RBBP8: variants seen among roughly 807,000 people sequenced by gnomAD.
RBBP8 encodes RB binding protein 8, endonuclease, also known as DNA endonuclease RBBP8.
RBBP8 carries 88 observed loss-of-function variants against 108.3 expected under a neutral mutation model. That is an observed-to-expected ratio of 0.81 (90% CI 0.68 to 0.97). The LOEUF (loss-of-function observed/expected upper bound fraction) is 0.97, where lower values mean the gene tolerates loss of function less well. Among genes scored for constraint, RBBP8 ranks in the 50% least tolerant of loss-of-function variants. RBBP8 has a pLI of 0.00. For synonymous variants in RBBP8, 332 were observed against 348.2 expected (o/e 0.95, Z 0.52); for missense variants, 1,023 against 1,049.0 (o/e 0.98, Z 0.34).
chr18:22,967,505 A>G (rs527365866), intron 4 of RBBP8, among the ~76,000 whole-genome samples: 1 of 152,344 alleles, frequency 6.6e-6, no homozygotes, highest in African/African-American at 2.4e-5. Flanking sequence ...TGGAAAATGA[A>G]GAAGAGAAAA....
intron 16 of RBBP8, among the ~76,000 whole-genome samples, chr18:23,014,369 A>G (rs542145091): frequency 3.6e-4 from 55 of 152,322 alleles, no homozygotes; most frequent in African/African-American, 1.3e-3. Flanking sequence ...GTAAACTGAA[A>G]ACCTTCTGGA....
rs180749073 is a variant in RBBP8, at chr18:23,013,920, G to A, written c.2358-2908G>A. Among the ~76,000 whole-genome samples the A allele has an allele frequency of 3.4e-3, 524 of 152,322 alleles. 2 individuals are homozygous for A. The highest frequency in any genetic ancestry group is 5.3e-3 in the Non-Finnish European group (360 of 68,022). ...CCACTGTCATAATTTTTGCAAAGGT[G>A]ACCTCAATACTACTGTTCATTGACA... On this transcript the variant is annotated intron_variant, in intron 16 of 18. Coordinates refer to ENST00000327155, the MANE Select transcript of RBBP8 (RefSeq NM_002894.3).
At chr18:23,021,815 G>A (rs2046349825) in intron 17 of RBBP8, among the ~76,000 whole-genome samples, 1 of 146,862 alleles carries the variant, frequency 6.8e-6, no homozygotes, top group South Asian at 2.1e-4. Flanking sequence ...GTCAAGATCA[G>A]CTGGCTTTTT....
At chr18:23,006,116 G>C (rs939048860) in intron 15 of RBBP8, among the ~76,000 whole-genome samples, 2 of 151,866 alleles carry the variant, frequency 1.3e-5, no homozygotes, top group African/African-American at 2.4e-5. Context: ...AACCCGGGAG[G>C]TGGAGCTTGC....
At chr18:22,973,257 C>T (rs1277931550) in intron 5 of RBBP8, among the ~76,000 whole-genome samples, 1 of 152,104 alleles carries the variant, frequency 6.6e-6, no homozygotes, top group Non-Finnish European at 1.5e-5. Context: ...CAATCTGAGC[C>T]TATTTTTAAA....
chr18:22,963,638 T>G (rs1230495544), intron 4 of RBBP8, among the ~76,000 whole-genome samples: 1 of 152,228 alleles, frequency 6.6e-6, no homozygotes, highest in African/African-American at 2.4e-5. Flanking sequence ...CTTTTACTGC[T>G]TTCCTTTTTC....
chr18:22,948,581 C>T (rs1034900714), intron 3 of RBBP8, among the ~76,000 whole-genome samples: 2 of 151,822 alleles, frequency 1.3e-5, no homozygotes, highest in Non-Finnish European at 2.9e-5. Context: ...TAAGAAATTC[C>T]CTCTATATTT....
In RBBP8 at chr18:22,996,467, G is replaced by C; in HGVS notation, c.2028+5G>C. ...GTTACTGTAATAGATACAAAGGTAA[G>C]TTAAAAAGTAAAACCAAAACTCATT... On this transcript the variant is annotated splice_donor_5th_base_variant and intron_variant, in intron 13 of 18. Coordinates refer to ENST00000327155, the MANE Select transcript of RBBP8 (RefSeq NM_002894.3). 7 of 1,613,084 alleles carry C rather than the reference G, an allele frequency of 4.3e-6. No individual in the cohort carries two copies. The highest frequency in any genetic ancestry group is 5.9e-6 in the Non-Finnish European group (7 of 1,179,686).
intron 16 of RBBP8, among the ~76,000 whole-genome samples, chr18:23,011,262 T>A (rs1422178178): frequency 6.6e-6 from 1 of 152,218 alleles, no homozygotes; most frequent in Non-Finnish European, 1.5e-5. Context: ...AGATACTGTT[T>A]TTTACAAATT....
In RBBP8 at chr18:22,982,368, A is replaced by G; in HGVS notation, c.579A>G (p.Lys193=). Residue 193 remains lysine, a synonymous_variant, in exon 7 of 19, where the codon AAA becomes AAG. Coordinates refer to ENST00000327155, the MANE Select transcript of RBBP8 (RefSeq NM_002894.3). ...HVRYIEQTHT[K]LEHSVCANEM... is the part of the protein sequence containing the mutation. ...GATACATAGAACAAACACATACTAAATTGGAGCACTCTGTGTGTGCAAATG... is the reference window on the plus strand; with the variant it reads ...GATACATAGAACAAACACATACTAAGTTGGAGCACTCTGTGTGTGCAAATG... 6.2e-7 allele frequency: 1 copy of G among 1,614,090 alleles called. No homozygotes were observed. The highest frequency in any genetic ancestry group is 1.1e-5 in the South Asian group (1 of 91,084).
Position 22,983,908 on chromosome 18 carries a change from T to C in RBBP8, c.605-978T>C, listed in dbSNP as rs377439534. Among the ~76,000 whole-genome samples, 972 of 141,720 alleles carry C rather than the reference T, an allele frequency of 6.9e-3. 9 individuals are homozygous for C. The highest frequency in any genetic ancestry group is 0.023 in the African/African-American group (932 of 40,796). 93.0% of individuals were successfully genotyped at this position (141,720 alleles called of 152,430 possible). ...CATCCTGGCTAACATGGTGAAACCCTGTATGTACTAAAAATATAAAAAATT... is the reference window on the plus strand; with the variant it reads ...CATCCTGGCTAACATGGTGAAACCCCGTATGTACTAAAAATATAAAAAATT... On this transcript the variant is annotated intron_variant, in intron 7 of 18. Coordinates refer to ENST00000327155, the MANE Select transcript of RBBP8 (RefSeq NM_002894.3).
At chr18:23,000,740 C>CA (rs78173403) in intron 14 of RBBP8, among the ~76,000 whole-genome samples, 1,033 of 86,972 alleles carry the variant, frequency 0.012, 12 homozygotes, top group South Asian at 0.043. Flanking sequence ...GACTCCGTCT[C>CA]AAAAAAAAAA....
chr18:23,012,541 A>G (rs1483639649), intron 16 of RBBP8, among the ~76,000 whole-genome samples: 1 of 147,986 alleles, frequency 6.8e-6, no homozygotes, highest in Non-Finnish European at 1.5e-5. Flanking sequence ...CCTTTAAGCC[A>G]GTGCCTAATC....
intron 4 of RBBP8, among the ~76,000 whole-genome samples, chr18:22,959,982 C>T (rs905078671): frequency 1.3e-5 from 2 of 151,310 alleles, no homozygotes; most frequent in Non-Finnish European, 2.9e-5. Flanking sequence ...AGCTCCGCCT[C>T]CCAGGTTCAC....
At chr18:23,013,940 T>C (rs2046213409) in intron 16 of RBBP8, among the ~76,000 whole-genome samples, 2 of 152,232 alleles carry the variant, frequency 1.3e-5, no homozygotes, top group South Asian at 2.1e-4. Flanking sequence ...CTACTGTTCA[T>C]TGACAAAGCA....
upstream of RBBP8, among the ~76,000 whole-genome samples, chr18:22,932,287 AT>A (rs1328340663): frequency 6.6e-6 from 1 of 152,236 alleles, no homozygotes; most frequent in Non-Finnish European, 1.5e-5. Flanking sequence ...TGTCATAAAC[AT>A]AAAAGCTTCA....
Position 22,950,355 on chromosome 18 carries a change from T to C in RBBP8, c.248+642T>C, listed in dbSNP as rs59965335. Among the ~76,000 whole-genome samples, 235 of 152,128 alleles carry C rather than the reference T, an allele frequency of 1.5e-3. 1 individual carries two copies. Among genetic ancestry groups the C allele is most frequent in the African/African-American group, 5.4e-3 (224 of 41,522 alleles). Reference sequence around the variant, plus strand: ...ATCTCAATACTTTGGGAGGCTAAGGTGGGAGGATCGCCTGAGGCCAGACAT... The same window carrying C: ...ATCTCAATACTTTGGGAGGCTAAGGCGGGAGGATCGCCTGAGGCCAGACAT... On this transcript the variant is annotated intron_variant, in intron 4 of 18. Transcript: ENST00000327155.
At chr18:22,923,039 T>G (rs1308944574) in intron 3 of RBBP8, among the ~76,000 whole-genome samples, 7 of 152,204 alleles carry the variant, frequency 4.6e-5, no homozygotes, top group Admixed American at 4.6e-4. Context: ...AGTTTCACTA[T>G]AACTATACAA....
upstream of RBBP8, among the ~76,000 whole-genome samples, chr18:22,930,834 C>G (rs1909996299): frequency 6.6e-6 from 1 of 152,072 alleles, no homozygotes; most frequent in Non-Finnish European, 1.5e-5. Flanking sequence ...TACAGTGGCA[C>G]AATCATAGTT....
Sources: allele counts gnomAD v4.1 joint callset (sites outside exome capture counted in the v4.1 genomes callset), GRCh38; gene constraint gnomAD v4.1.1; transcripts MANE v1.5; gene names NCBI Gene and HGNC (gene_info 2026-07-23, HGNC 2026-07-21).